OR7C1: variants seen among roughly 807,000 people sequenced by gnomAD.
OR7C1 encodes olfactory receptor 7C1.
For missense variants in OR7C1, 324 were observed against 383.3 expected, an observed-to-expected ratio of 0.85 and a Z score of 1.29; for synonymous variants, 152 against 160.7, an observed-to-expected ratio of 0.95 and a Z score of 0.41.
exon 4 of OR7C1, chr19:14,800,444 C>A: frequency 3.4e-6 from 1 of 296,696 alleles, no homozygotes; most frequent in East Asian, 6.6e-5. Flanking sequence ...CCTGGTCAGA[C>A]CTACGGATTC....
chr19:14,818,986 C>A (rs1362689282), intron 1 of OR7C1, among the ~76,000 whole-genome samples: 1 of 152,024 alleles, frequency 6.6e-6, no homozygotes, highest in South Asian at 2.1e-4. Flanking sequence ...TACACATGTG[C>A]CATGTTGGCG....
chr19:14,802,006 C>G (rs571953705), intron 2 of OR7C1, among the ~76,000 whole-genome samples: 26 of 152,296 alleles, frequency 1.7e-4, no homozygotes, highest in African/African-American at 6.0e-4. Context: ...CAAACCATAT[C>G]AGTCAGGAAT....
At chr19:14,815,878 G>A (rs28648427) in intron 1 of OR7C1, among the ~76,000 whole-genome samples, 109 of 151,994 alleles carry the variant, frequency 7.2e-4, no homozygotes, top group Middle Eastern at 3.4e-3. Flanking sequence ...CAGGCGTACA[G>A]TGGTGCAATC....
intron 1 of OR7C1, among the ~76,000 whole-genome samples, chr19:14,831,279 G>A (rs989475739): frequency 1.3e-5 from 2 of 152,100 alleles, no homozygotes; most frequent in African/African-American, 2.4e-5. Flanking sequence ...TACAAACAAT[G>A]ACAAGATTTG....
intron 1 of OR7C1, among the ~76,000 whole-genome samples, chr19:14,823,503 G>A (rs1204759315): frequency 6.6e-6 from 1 of 152,198 alleles, no homozygotes; most frequent in African/African-American, 2.4e-5. Context: ...TGTAAGTGCA[G>A]TTTTGTTACA....
intron 2 of OR7C1, among the ~76,000 whole-genome samples, chr19:14,803,042 C>G (rs928610613): frequency 5.9e-5 from 9 of 152,114 alleles, no homozygotes; most frequent in Non-Finnish European, 1.2e-4. Context: ...CGTCGTGGCT[C>G]ACGCCTGTAA....
At chr19:14,827,739 AAGGACAGCC>A in intron 1 of OR7C1, 1 of 1,614,164 alleles carries the variant, frequency 6.2e-7, no homozygotes. Flanking sequence ...GGCTGTGCAG[AAGGACAGCC>A]GTACTACCAT....
At chr19:14,822,812 T>A in intron 1 of OR7C1, among the ~76,000 whole-genome samples, 1 of 152,170 alleles carries the variant, frequency 6.6e-6, no homozygotes, top group Non-Finnish European at 1.5e-5. Context: ...CTGTATGTCT[T>A]CTATTGAGAC....
chr19:14,813,054 C>T (rs1240588986), intron 1 of OR7C1, among the ~76,000 whole-genome samples: 1 of 136,474 alleles, frequency 7.3e-6, no homozygotes, highest in African/African-American at 2.9e-5. Flanking sequence ...GCTTGGGCGA[C>T]ACAGCAAGAT....
chr19:14,800,870 A>G (rs2044638189), intron 2 of OR7C1, 106 bp from the exon 3 acceptor site: 1 of 152,224 alleles, frequency 6.6e-6, no homozygotes, highest in Non-Finnish European at 1.5e-5. Context: ...CCTGATGTAA[A>G]TCAGACACTG....
intron 2 of OR7C1, among the ~76,000 whole-genome samples, chr19:14,808,468 G>A (rs1442031042): frequency 1.3e-5 from 2 of 151,998 alleles, no homozygotes; most frequent in African/African-American, 4.8e-5. Context: ...GTCTTGTGCA[G>A]CAACATGGAT....
chr19:14,832,404 TTCTC>T (rs1470185703), intron 1 of OR7C1, among the ~76,000 whole-genome samples: 3 of 140,048 alleles, frequency 2.1e-5, no homozygotes, highest in Non-Finnish European at 3.1e-5. Flanking sequence ...CCTTCCTTCC[TTCTC>T]TCTCTCTTTC....
intron 1 of OR7C1, among the ~76,000 whole-genome samples, chr19:14,821,048 G>T (rs1341301722): frequency 6.6e-6 from 1 of 152,128 alleles, no homozygotes; most frequent in Non-Finnish European, 1.5e-5. Context: ...GACCTGCCTG[G>T]CCAACATGGT....
At chr19:14,824,167 T>C (rs1022321568) in intron 1 of OR7C1, 1 of 152,120 alleles carries the variant, frequency 6.6e-6, no homozygotes. Context: ...GCTCTGGGAG[T>C]TGATGGGGCT....
chr19:14,813,444 A>G (rs906710110), intron 1 of OR7C1, among the ~76,000 whole-genome samples: 4 of 151,960 alleles, frequency 2.6e-5, no homozygotes, highest in African/African-American at 7.2e-5. Context: ...AGTCCCAGCT[A>G]CTCGGGAGGC....
At chr19:14,806,787 A>C (rs533464413) in intron 2 of OR7C1, among the ~76,000 whole-genome samples, 40 of 152,076 alleles carry the variant, frequency 2.6e-4, no homozygotes, top group Admixed American at 7.2e-4. Flanking sequence ...TCTATCATCG[A>C]TGGGCATTTG....
At chr19:14,821,043 G>T (rs990119160) in intron 1 of OR7C1, among the ~76,000 whole-genome samples, 1 of 152,070 alleles carries the variant, frequency 6.6e-6, no homozygotes, top group Non-Finnish European at 1.5e-5. Flanking sequence ...CACGAGACCT[G>T]CCTGGCCAAC....
At position 14,827,749 on chromosome 19, in the gene OR7C1, G is replaced by A. The variant is rs759373895; in HGVS notation, c.-623+7325C>T. The A allele has an allele frequency of 7.7e-5, 125 of 1,613,972 alleles. No homozygotes were observed. Among genetic ancestry groups the A allele is most frequent in the Middle Eastern group, 6.6e-4 (4 of 6,084 alleles). ...TCTAAGGCTGTGCAGAAGGACAGCC[G>A]TACTACCATTAAGATTTGTAGCAAG... On this transcript the variant is annotated intron_variant, in intron 1 of 4. Coordinates refer to ENST00000641666, the Ensembl canonical transcript of OR7C1.
chr19:14,822,867 G>T (rs1205499678), intron 1 of OR7C1, among the ~76,000 whole-genome samples: 3 of 150,854 alleles, frequency 2.0e-5, no homozygotes, highest in African/African-American at 7.3e-5. Context: ...TTTAAACTGG[G>T]TTACTTGTTT....
Sources: gnomAD v4.1 joint callset for allele counts (sites outside exome capture counted in the v4.1 genomes callset) on GRCh38, gnomAD v4.1.1 for gene constraint, MANE v1.5 for transcripts, NCBI Gene and HGNC (gene_info 2026-07-23, HGNC 2026-07-21) for gene names.